The following RP1 variants were observed in gnomAD, a reference collection of about 807,000 sequenced individuals.
RP1 encodes the protein RP1 axonemal microtubule associated, also known as oxygen-regulated protein 1.
In RP1, 16 loss-of-function variants were observed where a neutral mutation model predicts 14.8. The ratio of observed to expected loss-of-function variants is 1.08; its 90% CI spans 0.73 to 1.65. The LOEUF is 1.65. Ranked by LOEUF, RP1 falls within the 40% of genes most tolerant of loss-of-function variation. RP1 has a pLI of 0.00. For missense variants in RP1, 2,631 were observed against 2,535.0 expected (o/e 1.04, Z -0.81); for synonymous variants, 876 against 883.6 (o/e 0.99, Z 0.15).
Position 54,799,852 on chromosome 8 carries a change from G to A in RP1, c.3615+16142G>A, listed in dbSNP as rs1046781557. Among the ~76,000 whole-genome samples, 14 of 151,642 alleles carry A rather than the reference G, an allele frequency of 9.2e-5. No homozygotes were observed. In the East Asian group the frequency reaches 2.1e-3, roughly 23 times the overall value. Reference sequence around the variant, plus strand: ...TGTATACATGCAATATATAATAACTGATTTTATTTTAAATAGTTATATTTT... The same window carrying A: ...TGTATACATGCAATATATAATAACTAATTTTATTTTAAATAGTTATATTTT... On this transcript the variant is annotated intron_variant, in intron 24 of 28. Transcript: ENST00000637698.
chr8:54,837,471 G>C, exon 25 of RP1: 1 of 1,229,988 alleles, frequency 8.1e-7, no homozygotes, highest in South Asian at 4.1e-5. Context: ...AGATATTGGT[G>C]AAATCTATAA....
intron 24 of RP1, among the ~76,000 whole-genome samples, chr8:54,806,662 G>A (rs559120291): frequency 2.0e-5 from 3 of 152,218 alleles, no homozygotes; most frequent in African/African-American, 7.2e-5. Flanking sequence ...CAACTTACTT[G>A]GTGATAGTTT....
chr8:54,605,608 C>T (rs1471405248), intron 1 of RP1, among the ~76,000 whole-genome samples: 7 of 152,098 alleles, frequency 4.6e-5, no homozygotes, highest in Non-Finnish European at 8.8e-5. Context: ...AACTTTCTGT[C>T]TCGTTGATCT....
At chr8:54,746,926 CTGA>C (rs1472368161) in intron 19 of RP1, among the ~76,000 whole-genome samples, 1 of 152,126 alleles carries the variant, frequency 6.6e-6, no homozygotes, top group African/African-American at 2.4e-5. Flanking sequence ...TCTTGTTCGT[CTGA>C]GAAGATGGTG....
At chr8:54,604,466 C>G (rs1411909169) in intron 1 of RP1, among the ~76,000 whole-genome samples, 2 of 152,086 alleles carry the variant, frequency 1.3e-5, no homozygotes, top group Non-Finnish European at 2.9e-5. Context: ...ATTTTTGCAT[C>G]GATGTTCATC....
At chr8:54,646,684 T>C (rs1806557279) in intron 3 of RP1, among the ~76,000 whole-genome samples, 1 of 152,216 alleles carries the variant, frequency 6.6e-6, no homozygotes, top group Non-Finnish European at 1.5e-5. Context: ...CAAAAACCTA[T>C]AGTAAACGGA....
intron 26 of RP1, among the ~76,000 whole-genome samples, chr8:54,856,039 T>C (rs536339329): frequency 6.6e-6 from 1 of 151,868 alleles, no homozygotes; most frequent in South Asian, 2.1e-4. Flanking sequence ...CATATAAGAA[T>C]GTTCTGAGCA....
intron 27 of RP1, among the ~76,000 whole-genome samples, chr8:54,857,460 CTAAT>C (rs982004564): frequency 3.3e-5 from 5 of 149,486 alleles, no homozygotes; most frequent in African/African-American, 1.2e-4. Flanking sequence ...TAAATGGTCA[CTAAT>C]TAAATTATAT....
rs575265633 is a variant in RP1, at chr8:54,857,761, C to T, written c.4069+655C>T. ...CCCTTATCCCACACTCTTCAGCAAA[C>T]GCGCTGCTTGAACACCATCCCTGAT... On this transcript the variant is annotated intron_variant, in intron 27 of 28. Transcript: ENST00000637698. Among the ~76,000 whole-genome samples the T allele has an allele frequency of 5.3e-5, 8 of 152,218 alleles. No individual in the cohort carries two copies. In the South Asian group the frequency reaches 6.2e-4, roughly 12 times the overall value.
chr8:54,664,688 G>A (rs561524802), intron 7 of RP1, among the ~76,000 whole-genome samples: 1 of 152,182 alleles, frequency 6.6e-6, no homozygotes, highest in South Asian at 2.1e-4. Context: ...TATAATCTTT[G>A]GAGAAATGTT....
intron 24 of RP1, among the ~76,000 whole-genome samples, chr8:54,814,965 C>G (rs929795259): frequency 6.6e-6 from 1 of 152,250 alleles, no homozygotes; most frequent in African/African-American, 2.4e-5. Flanking sequence ...GCCGAGATTG[C>G]ACCACTGCAC....
chr8:54,738,950 T>G, exon 19 of RP1: 1 of 1,481,416 alleles, frequency 6.8e-7, no homozygotes, highest in Non-Finnish European at 8.9e-7. Flanking sequence ...CAGGTTGAAA[T>G]AAGAAACACT....
chr8:54,816,474 A>G (rs1811134959), intron 24 of RP1, among the ~76,000 whole-genome samples: 1 of 152,242 alleles, frequency 6.6e-6, no homozygotes, highest in Non-Finnish European at 1.5e-5. Flanking sequence ...TAACTTGGAA[A>G]TATAAAGGCA....
At chr8:54,715,817 A>G (rs1808391014) in intron 15 of RP1, among the ~76,000 whole-genome samples, 2 of 152,220 alleles carry the variant, frequency 1.3e-5, no homozygotes. Flanking sequence ...GCTCGTCACT[A>G]GTGCTACAGT....
chr8:54,811,947 A>G (rs541621904), intron 24 of RP1, among the ~76,000 whole-genome samples: 1 of 152,336 alleles, frequency 6.6e-6, no homozygotes, highest in South Asian at 2.1e-4. Flanking sequence ...GAGGTAGCTC[A>G]GTTATAATTA....
chr8:54,763,768 G>A (rs1809698401), intron 22 of RP1, among the ~76,000 whole-genome samples: 1 of 152,202 alleles, frequency 6.6e-6, no homozygotes, highest in East Asian at 1.9e-4. Context: ...AAACCAAATT[G>A]TAGTCAGATA....
At chr8:54,697,708 AC>A (rs1439492082) in intron 12 of RP1, among the ~76,000 whole-genome samples, 1 of 152,244 alleles carries the variant, frequency 6.6e-6, no homozygotes, top group Non-Finnish European at 1.5e-5. Context: ...GACCAATGAA[AC>A]AGAACAGAGC....
At chr8:54,633,045 G>C (rs530089351), downstream of RP1, among the ~76,000 whole-genome samples, 2 of 152,282 alleles carry the variant, frequency 1.3e-5, no homozygotes, top group Admixed American at 1.3e-4. Flanking sequence ...CACTCTGAGA[G>C]GCTTGCATGG....
intron 19 of RP1, among the ~76,000 whole-genome samples, chr8:54,748,624 T>G (rs1375689144): frequency 1.3e-5 from 2 of 152,236 alleles, no homozygotes; most frequent in Non-Finnish European, 2.9e-5. Context: ...ACTTAAAATG[T>G]TCCGTATGAA....
Sources: gnomAD v4.1 joint callset for allele counts (sites outside exome capture counted in the v4.1 genomes callset) on GRCh38, gnomAD v4.1.1 for gene constraint, MANE v1.5 for transcripts, NCBI Gene and HGNC (gene_info 2026-07-23, HGNC 2026-07-21) for gene names.